Variants in CCDC144A observed in about 807,000 individuals in gnomAD.
CCDC144A encodes the protein coiled-coil domain-containing protein 144A.
CCDC144A carries 41 observed loss-of-function variants against 143.8 expected under a neutral mutation model. The ratio of observed to expected loss-of-function variants is 0.29; its 90% CI spans 0.22 to 0.37. The LOEUF (loss-of-function observed/expected upper bound fraction) is 0.37, where lower values mean the gene tolerates loss of function less well. Among genes scored for constraint, CCDC144A ranks in the 10% least tolerant of loss-of-function variants. The pLI is 1.00. For missense variants in CCDC144A, 637 were observed against 1,488.8 expected, an observed-to-expected ratio of 0.43 and a Z score of 9.41; for synonymous variants, 242 against 517.9, an observed-to-expected ratio of 0.47 and a Z score of 7.23.
At chr17:16,678,023 C>T in the CCDC144A span, among the ~76,000 whole-genome samples, 1 of 152,030 alleles carries the variant, frequency 6.6e-6, no homozygotes, top group African/African-American at 2.4e-5. Flanking sequence ...TTCCCACACT[C>T]TACTCAGAAT....
chr17:16,686,847 G>C (rs1910803685), upstream of CCDC144A, among the ~76,000 whole-genome samples: 1 of 151,926 alleles, frequency 6.6e-6, no homozygotes, highest in Admixed American at 6.6e-5. Flanking sequence ...TCCTGGAACT[G>C]TGACTGATGG....
At chr17:16,683,942 T>C in the CCDC144A span, 1 of 1,239,008 alleles carries the variant, frequency 8.1e-7, no homozygotes. Context: ...AATCCGCGTT[T>C]ACTGGGGGCC....
chr17:16,724,899 C>T (rs562084072), intron 8 of CCDC144A, among the ~76,000 whole-genome samples: 1 of 140,610 alleles, frequency 7.1e-6, no homozygotes, highest in South Asian at 2.3e-4. Flanking sequence ...GATCCACCTG[C>T]CTCGGCCTCC....
At chr17:16,685,679 A>T (rs1255232205), upstream of CCDC144A, among the ~76,000 whole-genome samples, 1 of 151,624 alleles carries the variant, frequency 6.6e-6, no homozygotes, top group Admixed American at 6.6e-5. Context: ...AGTTTTAAAT[A>T]GGACAAATGA....
chr17:16,710,936 T>A (rs2649226), intron 5 of CCDC144A, among the ~76,000 whole-genome samples: 17,401 of 136,492 alleles, frequency 0.13, 1,872 homozygotes, highest in African/African-American at 0.31. Context: ...CCCAGTTATC[T>A]ATAGAGAGTG....
At chr17:16,667,319 GA>G in the CCDC144A span, among the ~76,000 whole-genome samples, 15 of 144,198 alleles carry the variant, frequency 1.0e-4, no homozygotes, top group Admixed American at 7.5e-4. Flanking sequence ...AGGGGCTGAG[GA>G]GGCTGAGGAG....
At chr17:16,753,868 A>G (rs150350961) in intron 12 of CCDC144A, among the ~76,000 whole-genome samples, 528 of 152,282 alleles carry the variant, frequency 3.5e-3, no homozygotes, top group Non-Finnish European at 4.4e-3. Context: ...ACTGAACTTT[A>G]GAATAAACTA....
At chr17:16,731,453 A>T (rs1913737858) in intron 9 of CCDC144A, 3 of 216,326 alleles carry the variant, frequency 1.4e-5, no homozygotes, top group Non-Finnish European at 2.8e-5. Context: ...ACTCTAAATG[A>T]TCTGTTCTAA....
intron 15 of CCDC144A, among the ~76,000 whole-genome samples, chr17:16,768,113 T>C (rs1447950463): frequency 6.6e-6 from 1 of 152,254 alleles, no homozygotes; most frequent in Non-Finnish European, 1.5e-5. Context: ...ATCTATAACG[T>C]TAAAGATCTA....
At position 16,775,877 on chromosome 17, in the gene CCDC144A, TTGTATA is replaced by T. The variant is rs1345396649; in HGVS notation, c.*2247_*2252del. 1 of 152,262 alleles carries T rather than the reference TTGTATA, an allele frequency of 6.6e-6. No homozygotes were observed. The highest frequency in any genetic ancestry group is 1.5e-5 in the Non-Finnish European group (1 of 68,066). The allele number at this position is 152,262 out of a possible 1,614,324, so 9.4% of individuals were successfully genotyped here. ...TCTTTAATCCATCTTGAGTTAACTT[TTGTATA>T]TGGGTTAAGGAAGGGGTCCCGTTTC... On this transcript the variant is annotated 3_prime_UTR_variant, in exon 17 of 17. Coordinates refer to ENST00000399273, the MANE Select transcript of CCDC144A (RefSeq NM_001382000.1).
intron 12 of CCDC144A, among the ~76,000 whole-genome samples, chr17:16,739,448 T>G (rs1465960955): frequency 6.6e-6 from 1 of 151,394 alleles, no homozygotes; most frequent in East Asian, 1.9e-4. Flanking sequence ...GCACAGAAGT[T>G]TCACATTTTG....
intron 12 of CCDC144A, among the ~76,000 whole-genome samples, chr17:16,737,214 T>G (rs1318187662): frequency 7.2e-6 from 1 of 139,510 alleles, no homozygotes; most frequent in Non-Finnish European, 1.5e-5. Flanking sequence ...TCGCCCAGGC[T>G]GGAGTGCAGT....
upstream of CCDC144A, among the ~76,000 whole-genome samples, chr17:16,688,311 C>T (rs896044593): frequency 5.9e-5 from 9 of 151,724 alleles, no homozygotes; most frequent in Non-Finnish European, 1.0e-4. Context: ...CACAGGCTTA[C>T]GTGAAGATCA....
At chr17:16,750,358 A>G (rs1476202919) in intron 12 of CCDC144A, among the ~76,000 whole-genome samples, 1 of 150,446 alleles carries the variant, frequency 6.6e-6, no homozygotes, top group African/African-American at 2.5e-5. Flanking sequence ...CTTAGATTGG[A>G]GTGGTATGAA....
intron 12 of CCDC144A, among the ~76,000 whole-genome samples, chr17:16,750,943 T>G (rs552041657): frequency 6.6e-6 from 1 of 152,192 alleles, no homozygotes; most frequent in South Asian, 2.1e-4. Flanking sequence ...CTGGCTTCCT[T>G]GGATTGGATT....
chr17:16,714,600 C>A (rs1161689216), intron 6 of CCDC144A, among the ~76,000 whole-genome samples: 1 of 152,092 alleles, frequency 6.6e-6, no homozygotes, highest in African/African-American at 2.4e-5. Flanking sequence ...CAAGCCACCA[C>A]CATCTGCTCT....
chr17:16,684,940 C>T (rs1239999611), upstream of CCDC144A, among the ~76,000 whole-genome samples: 4 of 152,120 alleles, frequency 2.6e-5, no homozygotes, highest in Admixed American at 6.5e-5. Context: ...CTAGCCTGGG[C>T]GACAGAGCGA....
intron 6 of CCDC144A, among the ~76,000 whole-genome samples, chr17:16,719,612 C>T (rs906203626): frequency 6.6e-6 from 1 of 152,042 alleles, no homozygotes; most frequent in South Asian, 2.1e-4. Flanking sequence ...CCCTTCTGTG[C>T]CTATTTTCTT....
chr17:16,763,156 A>G, intron 14 of CCDC144A, among the ~76,000 whole-genome samples: 1 of 151,356 alleles, frequency 6.6e-6, no homozygotes, highest in Non-Finnish European at 1.5e-5. Context: ...CTAAGTGATA[A>G]AAAAATAACA....
Sources: gnomAD v4.1 joint callset for allele counts (sites outside exome capture counted in the v4.1 genomes callset) on GRCh38, gnomAD v4.1.1 for gene constraint, MANE v1.5 for transcripts, NCBI Gene and HGNC (gene_info 2026-07-23, HGNC 2026-07-21) for gene names.